Variants in SH3BGRL observed in about 807,000 individuals in gnomAD.
The protein encoded by SH3BGRL is adapter SH3BGRL.
In SH3BGRL, 7 loss-of-function variants were observed where a neutral mutation model predicts 9.8. The ratio of observed to expected loss-of-function variants is 0.72; its 90% CI spans 0.41 to 1.35. The LOEUF is 1.35. Among genes scored for constraint, SH3BGRL ranks in the 40% most tolerant of loss-of-function variants. The pLI is 0.01. For missense variants in SH3BGRL, 73 were observed against 84.4 expected (o/e 0.86, Z 0.53); for synonymous variants, 36 against 29.1 (o/e 1.24, Z -0.76).
chrX:81,293,280 AT>A (rs373497834), intron 3 of SH3BGRL, among the ~76,000 whole-genome samples: 9 of 108,901 alleles, frequency 8.3e-5, no homozygotes, highest in Admixed American at 1.9e-4. Context: ...CTAATTAAAC[AT>A]TTTTTTTTTC....
At chrX:81,232,425 G>T (rs1056130864) in intron 1 of SH3BGRL, among the ~76,000 whole-genome samples, 2 of 109,987 alleles carry the variant, frequency 1.8e-5, no homozygotes, top group Non-Finnish European at 3.8e-5. Flanking sequence ...TGATGATGAT[G>T]ATGATGATAA....
intron 1 of SH3BGRL, among the ~76,000 whole-genome samples, chrX:81,276,206 G>C (rs1251095859): frequency 9.1e-6 from 1 of 109,808 alleles, no homozygotes; most frequent in African/African-American, 3.3e-5. Flanking sequence ...TAATTTTACT[G>C]TTTTCAAAGC....
rs184979852 is a variant in SH3BGRL, at chrX:81,290,037, C to A, written c.313-7158C>A. The stretch of plus-strand genomic sequence containing the variant: ...AAAACTACAATGAGATATAATCTCA[C>A]CTCAGTTAATATGGCTTTTATCCAA... On this transcript the variant is annotated intron_variant, in intron 3 of 3. Transcript: ENST00000373212. 5.4e-5 allele frequency among the ~76,000 whole-genome samples: 6 copies of A among 111,978 alleles called. No individual in the cohort carries two copies. The Admixed American group carries it at 5.7e-4, about 11-fold the overall frequency.
chrX:81,210,763 ACTT>A (rs2075560568), intron 1 of SH3BGRL, among the ~76,000 whole-genome samples: 1 of 111,892 alleles, frequency 8.9e-6, no homozygotes, highest in African/African-American at 3.3e-5. Flanking sequence ...TCGTTGTAAT[ACTT>A]CTTTTCTGAT....
At chrX:81,244,799 C>T (rs770078453) in intron 1 of SH3BGRL, among the ~76,000 whole-genome samples, 2 of 111,285 alleles carry the variant, frequency 1.8e-5, no homozygotes, top group African/African-American at 3.3e-5. Context: ...TCCCTCCCTC[C>T]ACCCCGCTAC....
At chrX:81,296,526 TGTC>T (rs2075875210) in intron 3 of SH3BGRL, among the ~76,000 whole-genome samples, 1 of 111,578 alleles carries the variant, frequency 9.0e-6, no homozygotes, top group Admixed American at 9.5e-5. Flanking sequence ...CTCCTGAGAC[TGTC>T]AAGTATTGAT....
At chrX:81,234,247 A>T (rs2075641100) in intron 1 of SH3BGRL, among the ~76,000 whole-genome samples, 1 of 111,718 alleles carries the variant, frequency 9.0e-6, no homozygotes, top group Non-Finnish European at 1.9e-5. Context: ...AAATACCTTG[A>T]CTTGCTCATT....
chrX:81,263,346 C>T (rs1404146373), intron 1 of SH3BGRL, among the ~76,000 whole-genome samples: 1 of 111,394 alleles, frequency 9.0e-6, no homozygotes, highest in East Asian at 2.8e-4. Context: ...CCACAGGGAA[C>T]CTCAGTAGCA....
chrX:81,240,611 C>G (rs2075665467), intron 1 of SH3BGRL, among the ~76,000 whole-genome samples: 1 of 112,345 alleles, frequency 8.9e-6, no homozygotes, highest in Non-Finnish European at 1.9e-5. Context: ...AAATGTTCAT[C>G]CTACCCAAAG....
chrX:81,228,293 G>A (rs780881090), intron 1 of SH3BGRL, among the ~76,000 whole-genome samples: 5 of 111,616 alleles, frequency 4.5e-5, no homozygotes, highest in Non-Finnish European at 7.5e-5. Flanking sequence ...ACATTGGTTC[G>A]GTCCAGAAAG....
chrX:81,221,333 A>G (rs1602597151), intron 1 of SH3BGRL, among the ~76,000 whole-genome samples: 1 of 111,159 alleles, frequency 9.0e-6, no homozygotes, highest in Admixed American at 9.6e-5. Context: ...CCCCCTTCTT[A>G]ACTTTTGGAG....
intron 3 of SH3BGRL, among the ~76,000 whole-genome samples, chrX:81,281,153 G>A (rs1602626803): frequency 9.0e-6 from 1 of 110,642 alleles, no homozygotes; most frequent in Admixed American, 9.6e-5. Flanking sequence ...TACGAACAAA[G>A]CCTCCAAGAA....
intron 1 of SH3BGRL, among the ~76,000 whole-genome samples, chrX:81,208,345 G>A (rs915707341): frequency 8.9e-6 from 1 of 111,941 alleles, no homozygotes; most frequent in Non-Finnish European, 1.9e-5. Flanking sequence ...TGTTGAGGAA[G>A]GGTTTTGATC....
intron 1 of SH3BGRL, among the ~76,000 whole-genome samples, chrX:81,250,597 G>A (rs949125492): frequency 1.5e-4 from 17 of 111,238 alleles, no homozygotes; most frequent in African/African-American, 5.6e-4. Context: ...ATGAAATTAT[G>A]CCTTCATTGA....
chrX:81,217,998 A>G (rs908079336), intron 1 of SH3BGRL, among the ~76,000 whole-genome samples: 2 of 111,322 alleles, frequency 1.8e-5, no homozygotes, highest in African/African-American at 6.5e-5. Context: ...TTATCATTAT[A>G]TAATGCCCCT....
intron 1 of SH3BGRL, among the ~76,000 whole-genome samples, chrX:81,276,748 T>G (rs1299070445): frequency 9.1e-6 from 1 of 110,157 alleles, no homozygotes; most frequent in African/African-American, 3.3e-5. Context: ...CATTAAATAA[T>G]GAAAATTTTC....
In SH3BGRL at chrX:81,230,823, A is replaced by T. The variant is rs188486275; in HGVS notation, c.45+28578A>T. On this transcript the variant is annotated intron_variant, in intron 1 of 3. Coordinates refer to ENST00000373212, the MANE Select transcript of SH3BGRL (RefSeq NM_003022.3). ...GCCCCAACTGACTGTTGACGCATGA[A>T]GATAAGTCTGTGGATTCCTGTTTTT... Among the ~76,000 whole-genome samples, 263 of 111,856 alleles carry T rather than the reference A, an allele frequency of 2.4e-3. 1 individual carries two copies. The highest frequency in any genetic ancestry group is 8.1e-3 in the African/African-American group (249 of 30,782).
chrX:81,221,544 C>A (rs1284940829), intron 1 of SH3BGRL, among the ~76,000 whole-genome samples: 1 of 111,603 alleles, frequency 9.0e-6, no homozygotes, highest in East Asian at 2.8e-4. Flanking sequence ...TCCCCTTTAT[C>A]TTTTTCCCCA....
intron 1 of SH3BGRL, among the ~76,000 whole-genome samples, chrX:81,233,097 A>C (rs1295939087): frequency 9.0e-6 from 1 of 111,317 alleles, no homozygotes; most frequent in African/African-American, 3.3e-5. Flanking sequence ...ACCTTTTCTG[A>C]GTATGAAAGT....
Sources: allele counts gnomAD v4.1 joint callset (sites outside exome capture counted in the v4.1 genomes callset), GRCh38; gene constraint gnomAD v4.1.1; transcripts MANE v1.5; gene names NCBI Gene and HGNC (gene_info 2026-07-23, HGNC 2026-07-21).